The following MEF2C variants were observed in gnomAD, a reference collection of about 807,000 sequenced individuals.
MEF2C encodes the protein myocyte enhancer factor 2C, also known as myocyte-specific enhancer factor 2C.
In MEF2C, 6 loss-of-function variants were observed where a neutral mutation model predicts 50.5. The observed-to-expected ratio is 0.12, with a 90% CI of 0.07 to 0.23. MEF2C has a LOEUF of 0.23. Ranked by LOEUF, MEF2C falls within the 10% of genes least tolerant of loss-of-function variation. MEF2C has a pLI of 1.00. For synonymous variants in MEF2C, 183 were observed against 228.0 expected (o/e 0.80, Z 1.78); for missense variants, 276 against 605.0 (o/e 0.46, Z 5.70).
chr5:88,728,711 C>T, intron 9 of MEF2C, 83 bp from the exon 10 acceptor site: 2 of 982,822 alleles, frequency 2.0e-6, no homozygotes, highest in Non-Finnish European at 2.7e-6. Context: ...TTTTCAATTT[C>T]CAAAATATTC....
Position 88,734,565 on chromosome 5 carries a change from G to GTTTTTTTTTTGTT in MEF2C, c.638-2665_638-2664insAACAAAAAAAAAA, listed in dbSNP as rs1763145414. ...TTCACGGAGGCCTTGAGAAAAGTTT[G>GTTTTTTTTTTGTT]TTTTTTTTTTTTTTTTTTTTTTTTT... On this transcript the variant is annotated intron_variant, in intron 6 of 10. Transcript: ENST00000504921. 3 of 460,474 alleles carry GTTTTTTTTTTGTT rather than the reference G, an allele frequency of 6.5e-6. No homozygotes were observed. The African/African-American group carries it at 1.5e-4, about 23-fold the overall frequency. The allele number at this position is 460,474 out of a possible 1,614,324, so 28.5% of individuals were successfully genotyped here.
chr5:88,872,810 G>A (rs949563552), intron 1 of MEF2C, among the ~76,000 whole-genome samples: 4 of 151,894 alleles, frequency 2.6e-5, no homozygotes, highest in Non-Finnish European at 4.4e-5. Context: ...TCAGTAAATG[G>A]GAGGCTGGCT....
chr5:88,782,181 C>A, intron 3 of MEF2C: 1 of 981,802 alleles, frequency 1.0e-6, no homozygotes, highest in African/African-American at 1.7e-5. Context: ...TAAAATAAAC[C>A]TCCTAGGCCA....
intron 6 of MEF2C, 104 bp from the exon 7 acceptor site, chr5:88,732,005 G>A (rs1761884448): frequency 2.9e-6 from 3 of 1,049,238 alleles, no homozygotes; most frequent in Non-Finnish European, 2.7e-6. Context: ...ATGGTAAGAC[G>A]TACATTGCAA....
intron 3 of MEF2C, chr5:88,782,266 G>A (rs551341160): frequency 3.3e-6 from 2 of 605,430 alleles, no homozygotes; most frequent in East Asian, 1.4e-4. Flanking sequence ...CCAGGAATTC[G>A]AACAGCCTGG....
At chr5:88,773,031 T>TTA in intron 3 of MEF2C, 1 of 530,888 alleles carries the variant, frequency 1.9e-6, no homozygotes, top group Non-Finnish European at 2.4e-6. Context: ...AGAGCGTCAC[T>TTA]GGGATTGTGG....
At chr5:88,859,349 C>T (rs1824674419) in intron 1 of MEF2C, among the ~76,000 whole-genome samples, 1 of 152,174 alleles carries the variant, frequency 6.6e-6, no homozygotes, top group Admixed American at 6.5e-5. Context: ...TGACAAGGCA[C>T]ATTCAAGCTC....
intron 5 of MEF2C, 134 bp downstream of exon 5, chr5:88,751,723 C>G (rs538922207): frequency 2.7e-6 from 3 of 1,115,142 alleles, no homozygotes; most frequent in East Asian, 2.5e-5. Flanking sequence ...AGACCTAGCT[C>G]GGGGGTGGAT....
intron 1 of MEF2C, among the ~76,000 whole-genome samples, chr5:88,835,230 G>GA (rs1425631687): frequency 6.6e-6 from 1 of 152,086 alleles, no homozygotes; most frequent in Non-Finnish European, 1.5e-5. Context: ...TTTAAAATTT[G>GA]AGAAAAAAAC....
At chr5:88,742,522 T>A in intron 6 of MEF2C, 1 of 980,318 alleles carries the variant, frequency 1.0e-6, no homozygotes, top group African/African-American at 1.7e-5. Context: ...GGATAGAGAA[T>A]AAAAAGGATA....
chr5:88,752,950 A>G (rs651666), intron 4 of MEF2C, among the ~76,000 whole-genome samples: 74,000 of 152,032 alleles, frequency 0.49, 19,354 homozygotes, highest in East Asian at 0.59. Context: ...TGGTATCAAA[A>G]CATATGGCAT....
intron 6 of MEF2C, among the ~76,000 whole-genome samples, chr5:88,745,059 T>A (rs1768740310): frequency 6.6e-6 from 1 of 152,194 alleles, no homozygotes; most frequent in Non-Finnish European, 1.5e-5. Flanking sequence ...TTATTGAAAA[T>A]TACATAATTT....
intron 3 of MEF2C, among the ~76,000 whole-genome samples, chr5:88,763,795 C>T (rs530841767): frequency 6.6e-6 from 1 of 151,972 alleles, no homozygotes; most frequent in Non-Finnish European, 1.5e-5. Context: ...GTTGGTACTA[C>T]AGGTGTGTGC....
rs1485217105 is a variant in MEF2C, at chr5:88,783,669, C to CTT, written c.258+20928_258+20929insAA. On this transcript the variant is annotated intron_variant, in intron 3 of 10. Transcript: ENST00000504921. ...TAAAATAAAAAATAAAACAGACAGTCTAAGTAATTTGCCCAAGGACATATA... is the reference window on the plus strand; with the variant it reads ...TAAAATAAAAAATAAAACAGACAGTCTTTAAGTAATTTGCCCAAGGACATATA... 4.6e-5 allele frequency among the ~76,000 whole-genome samples: 7 copies of CTT among 152,082 alleles called. No individual in the cohort carries two copies. The East Asian group carries it at 1.4e-3, about 29-fold the overall frequency.
chr5:88,886,516 C>T (rs1331437215), upstream of MEF2C, among the ~76,000 whole-genome samples: 1 of 152,142 alleles, frequency 6.6e-6, no homozygotes, highest in Non-Finnish European at 1.5e-5. Flanking sequence ...TAAATGAGTT[C>T]TGTAACCTAT....
rs565022378 is a variant in MEF2C, at chr5:88,853,300, A to G, written c.-142-29370T>C. Among the ~76,000 whole-genome samples, 35 of 152,342 alleles carry G rather than the reference A, an allele frequency of 2.3e-4. No homozygotes were observed. The South Asian group carries it at 7.0e-3, about 31-fold the overall frequency. On this transcript the variant is annotated intron_variant, in intron 1 of 10. Coordinates refer to ENST00000504921, the MANE Select transcript of MEF2C (RefSeq NM_002397.5). ...AGTTCTAGCTGAGTGTGCAATGAGT[A>G]GTGAGATCTTCTAGGCTGGACTTGT...
At chr5:88,857,693 T>G (rs1823965938) in intron 1 of MEF2C, among the ~76,000 whole-genome samples, 1 of 152,202 alleles carries the variant, frequency 6.6e-6, no homozygotes, top group South Asian at 2.1e-4. Context: ...AGGGGCTTAC[T>G]CCTTCGCTCA....
chr5:88,858,508 G>T (rs1824311123), intron 1 of MEF2C, among the ~76,000 whole-genome samples: 1 of 152,200 alleles, frequency 6.6e-6, no homozygotes, highest in Non-Finnish European at 1.5e-5. Context: ...TCAGGAGGAG[G>T]CAGCCCAGTA....
chr5:88,730,150 C>T, intron 8 of MEF2C, 61 bp downstream of exon 8: 5 of 1,532,500 alleles, frequency 3.3e-6, no homozygotes, highest in South Asian at 1.2e-5. Context: ...ATCAAAGCTA[C>T]CACCTCTACC....
Sources: allele counts gnomAD v4.1 joint callset (sites outside exome capture counted in the v4.1 genomes callset), GRCh38; gene constraint gnomAD v4.1.1; transcripts MANE v1.5; gene names NCBI Gene and HGNC (gene_info 2026-07-23, HGNC 2026-07-21).